Variants in WDFY3 observed in about 807,000 individuals in gnomAD.
WDFY3 encodes WD repeat and FYVE domain containing 3.
A neutral mutation model predicts 409.6 loss-of-function variants in WDFY3; 66 were observed. The observed-to-expected ratio is 0.16, with a 90% CI of 0.13 to 0.20. WDFY3 has a LOEUF of 0.20. WDFY3 is among the 10% of genes least tolerant of loss of function. WDFY3 has a pLI of 1.00. For synonymous variants in WDFY3, 1,521 were observed against 1,537.1 expected, an observed-to-expected ratio of 0.99 and a Z score of 0.25; for missense variants, 3,031 against 4,298.1, an observed-to-expected ratio of 0.71 and a Z score of 8.24.
intron 67 of WDFY3, among the ~76,000 whole-genome samples, chr4:84,674,677 G>A (rs1725958045): frequency 6.6e-6 from 1 of 151,748 alleles, no homozygotes; most frequent in East Asian, 2.0e-4. Context: ...AGACGAGCCT[G>A]GCCAATATGG....
At chr4:84,730,313 A>G (rs1219288996) in intron 44 of WDFY3, among the ~76,000 whole-genome samples, 1 of 152,232 alleles carries the variant, frequency 6.6e-6, no homozygotes, top group African/African-American at 2.4e-5. Flanking sequence ...CAAAGGAAAA[A>G]AGTCTATAAC....
chr4:84,736,183 C>T lies in WDFY3; in HGVS notation c.6902G>A (p.Ser2301Asn). 6.2e-7 allele frequency: 1 copy of T among 1,610,424 alleles called. No homozygotes were observed. Among genetic ancestry groups the T allele is most frequent in the Non-Finnish European group, 8.5e-7 (1 of 1,178,602 alleles). ...NRKESGLNKH[S>N]LSTQEISQWM... ...CTAAAAAAGTACCTGGGTGGAAAGA[C>T]TGTGTTTATTAAGACCACTTTCTTT... is the stretch of plus-strand genomic sequence containing the variant. Residue 2301 changes from serine (S) to asparagine (N), a missense_variant, in exon 42 of 68, where the codon AGT becomes AAT. By Grantham distance (46) the Ser-to-Asn change is conservative (BLOSUM62 1). This residue lies in a region of WDFY3 where 98 missense variants were observed against 194.9 expected (regional missense o/e 0.50). Coordinates refer to ENST00000295888, the MANE Select transcript of WDFY3 (RefSeq NM_014991.6).
Position 84,807,372 on chromosome 4 carries a change from T to G in WDFY3, c.2429+962A>C, listed in dbSNP as rs1751692717. 3.9e-5 allele frequency among the ~76,000 whole-genome samples: 6 copies of G among 152,252 alleles called. No homozygotes were observed. In the South Asian group the frequency reaches 1.2e-3, roughly 32 times the overall value. ...TATAAGTGTAAATTTAAGAGAAAAA[T>G]GAAATTACATCTTTTCATATACCTA... On this transcript the variant is annotated intron_variant, in intron 15 of 67. Transcript: ENST00000295888.
At chr4:84,726,485 A>C (rs1035550094) in intron 45 of WDFY3, among the ~76,000 whole-genome samples, 11 of 152,166 alleles carry the variant, frequency 7.2e-5, no homozygotes, top group Non-Finnish European at 1.5e-4. Context: ...TATACACTTT[A>C]GTATTTAGAA....
Position 84,875,547 on chromosome 4 carries a change from T to A in WDFY3, c.-31-14925A>T, listed in dbSNP as rs564068875. On this transcript the variant is annotated intron_variant, in intron 3 of 67. Coordinates refer to ENST00000295888, the MANE Select transcript of WDFY3 (RefSeq NM_014991.6). ...CTCCAATAATAAATTAACTTCAGCTTACTGAAACTCTTACTTTATGAACTT... is the reference window on the plus strand; with the variant it reads ...CTCCAATAATAAATTAACTTCAGCTAACTGAAACTCTTACTTTATGAACTT... 6.6e-5 allele frequency among the ~76,000 whole-genome samples: 10 copies of A among 152,314 alleles called. No homozygotes were observed. In the South Asian group the frequency reaches 2.1e-3, roughly 32 times the overall value.
At chr4:84,736,928 A>G (rs541155166) in intron 41 of WDFY3, among the ~76,000 whole-genome samples, 6 of 151,958 alleles carry the variant, frequency 3.9e-5, no homozygotes, top group African/African-American at 1.4e-4. Context: ...TGACAATACT[A>G]GAGCTGTTAG....
At chr4:84,900,384 C>A (rs1282230714) in intron 2 of WDFY3, among the ~76,000 whole-genome samples, 1 of 151,992 alleles carries the variant, frequency 6.6e-6, no homozygotes, top group Non-Finnish European at 1.5e-5. Context: ...ACACCACAAC[C>A]AGCTAATTTT....
chr4:84,884,845 T>C (rs895730564), intron 3 of WDFY3, among the ~76,000 whole-genome samples: 3 of 152,156 alleles, frequency 2.0e-5, no homozygotes, highest in African/African-American at 7.2e-5. Flanking sequence ...ATAACAATCA[T>C]GTAAATGGTA....
chr4:84,750,515 G>A (rs1740339942), intron 36 of WDFY3, among the ~76,000 whole-genome samples: 1 of 152,054 alleles, frequency 6.6e-6, no homozygotes, highest in Non-Finnish European at 1.5e-5. Context: ...CTGAGAGACA[G>A]TGCAGTTCCT....
At position 84,679,191 on chromosome 4, in the gene WDFY3, C is replaced by A; in HGVS notation, c.9875G>T (p.Ser3292Ile). 2 of 1,600,006 alleles carry A rather than the reference C, an allele frequency of 1.3e-6. No individual in the cohort carries two copies. The highest frequency in any genetic ancestry group is 1.7e-6 in the Non-Finnish European group (2 of 1,171,344). The change falls in exon 65 of 68, where the codon AGC becomes ATC. Residue 3292 changes from serine (S) to isoleucine (I), a missense_variant. By Grantham distance (142) the Ser-to-Ile change is moderately radical. Coordinates refer to ENST00000295888, the MANE Select transcript of WDFY3 (RefSeq NM_014991.6). ...AGTGTCCTTAGGGTCCTGGCTGATG[C>A]TCTGCTCATCTGCTTCTGAATCACT... ...DSSDSEADEQ[S>I]ISQDPKDTPS...
chr4:84,743,213 C>T (rs943316921), intron 37 of WDFY3, among the ~76,000 whole-genome samples: 5 of 152,120 alleles, frequency 3.3e-5, no homozygotes, highest in Admixed American at 6.5e-5. Flanking sequence ...ATGTTGGCTT[C>T]ACTGTAAATG....
At chr4:84,797,557 C>CTTATTTATTTATTTATTTAT (rs71670883) in intron 18 of WDFY3, among the ~76,000 whole-genome samples, 3 of 145,638 alleles carry the variant, frequency 2.1e-5, no homozygotes, top group Admixed American at 6.9e-5. Context: ...CAACTCAATT[C>CTTATTTATTTATTTATTTAT]TTATTTATTT....
intron 3 of WDFY3, among the ~76,000 whole-genome samples, chr4:84,890,306 C>G (rs540230205): frequency 3.3e-5 from 5 of 152,206 alleles, no homozygotes; most frequent in East Asian, 1.9e-4. Context: ...CACTATGTTG[C>G]CCAGGCTGGT....
Position 84,690,509 on chromosome 4 carries a change from T to C in WDFY3, c.9360A>G (p.Lys3120=). 4.3e-6 allele frequency: 7 copies of C among 1,614,142 alleles called. No individual in the cohort carries two copies. Among genetic ancestry groups the C allele is most frequent in the Non-Finnish European group, 5.9e-6 (7 of 1,180,010 alleles). Residue 3120 remains lysine (K), a synonymous_variant, in exon 61 of 68, where the codon AAA becomes AAG. Coordinates refer to ENST00000295888, the MANE Select transcript of WDFY3 (RefSeq NM_014991.6). ...CATTTTCTATGTTCTCTCTTACCTG[T>C]TTGAGGGTGACGGTCTTGGCCTTTT... ...SKEKAKTVTL[K]QALLGHTDTV... is the part of the protein sequence containing the mutation.
Position 84,688,119 on chromosome 4 carries a change from A to G in WDFY3, c.9510T>C (p.Ala3170=). The G allele has an allele frequency of 6.2e-7, 1 of 1,614,110 alleles. No homozygotes were observed. ...SFLTQLRGHR[A]PVSALCINEL... Reference sequence around the variant, plus strand: ...CATTGATACAAAGAGCAGAAACTGGAGCTCGATGCCCTCGAAGCTGGGTTA... The same window carrying G: ...CATTGATACAAAGAGCAGAAACTGGGGCTCGATGCCCTCGAAGCTGGGTTA... The change falls in exon 62 of 68, where the codon GCT becomes GCC. Residue 3170 remains alanine (A), a synonymous_variant. Transcript: ENST00000295888.
intron 24 of WDFY3, among the ~76,000 whole-genome samples, chr4:84,784,879 TATATATATATATACACACAC>T (rs1371829004): frequency 7.1e-5 from 6 of 84,806 alleles, no homozygotes; most frequent in African/African-American, 1.8e-4. Context: ...TATATATATA[TATATATATATATACACACAC>T]ACACACACAC....
intron 1 of WDFY3, among the ~76,000 whole-genome samples, chr4:84,947,163 T>C (rs1034601430): frequency 6.6e-6 from 1 of 151,882 alleles, no homozygotes; most frequent in Non-Finnish European, 1.5e-5. Context: ...AGAGAGAGAC[T>C]AAATCTTTAC....
chr4:84,732,850 T>C (rs1263071202), intron 44 of WDFY3, among the ~76,000 whole-genome samples: 1 of 152,142 alleles, frequency 6.6e-6, no homozygotes, highest in East Asian at 1.9e-4. Context: ...CAGTACAAGA[T>C]AAATGGAGCC....
chr4:84,857,646 A>G lies in WDFY3; in HGVS notation c.180+2766T>C, dbSNP rs148856353. 3.4e-3 allele frequency among the ~76,000 whole-genome samples: 520 copies of G among 152,256 alleles called. 2 individuals are homozygous for G. The highest frequency in any genetic ancestry group is 5.1e-3 in the Non-Finnish European group (345 of 68,004). ...ACTTCCCTGAATAGGGCTTAAAACA[A>G]TGGCTTGTCATAGTTCTCTCTCCCA... On this transcript the variant is annotated intron_variant, in intron 4 of 67. Coordinates refer to ENST00000295888, the MANE Select transcript of WDFY3 (RefSeq NM_014991.6).
Sources: allele counts gnomAD v4.1 joint callset (sites outside exome capture counted in the v4.1 genomes callset), GRCh38; gene constraint gnomAD v4.1.1; regional missense constraint gnomAD v4.1.1; transcripts MANE v1.5; gene names NCBI Gene and HGNC (gene_info 2026-07-23, HGNC 2026-07-21).